Variants in ADAMTS12 observed in about 807,000 individuals in gnomAD.
The protein encoded by ADAMTS12 is ADAM metallopeptidase with thrombospondin type 1 motif 12, also known as A disintegrin and metalloproteinase with thrombospondin motifs 12.
ADAMTS12 carries 118 observed loss-of-function variants against 167.8 expected under a neutral mutation model. That is an observed-to-expected ratio of 0.70 (90% CI 0.61 to 0.82). The LOEUF is 0.82. Ranked by LOEUF, ADAMTS12 falls within the 40% of genes least tolerant of loss-of-function variation. ADAMTS12 has a pLI of 0.00. For missense variants in ADAMTS12, 1,916 were observed against 1,998.8 expected (o/e 0.96, Z 0.79); for synonymous variants, 704 against 716.9 (o/e 0.98, Z 0.29).
intron 3 of ADAMTS12, among the ~76,000 whole-genome samples, chr5:33,693,500 T>C (rs1742630521): frequency 6.6e-6 from 1 of 152,208 alleles, no homozygotes; most frequent in Non-Finnish European, 1.5e-5. Context: ...CATGCCAACT[T>C]ATTATAAAAA....
chr5:33,766,254 T>C (rs1203357955), intron 2 of ADAMTS12, among the ~76,000 whole-genome samples: 3 of 152,184 alleles, frequency 2.0e-5, no homozygotes, highest in Non-Finnish European at 4.4e-5. Flanking sequence ...TACTGATACA[T>C]GTGCCCTAGA....
At chr5:33,841,463 A>C in intron 2 of ADAMTS12, among the ~76,000 whole-genome samples, 1 of 152,094 alleles carries the variant, frequency 6.6e-6, no homozygotes. Context: ...GAAAAACTCA[A>C]ACTCACACTT....
chr5:33,713,818 T>C (rs547888275), intron 3 of ADAMTS12, among the ~76,000 whole-genome samples: 2 of 152,286 alleles, frequency 1.3e-5, no homozygotes, highest in African/African-American at 4.8e-5. Flanking sequence ...ACTGATTATA[T>C]GACAAGAATC....
At chr5:33,803,179 A>G (rs547274596) in intron 2 of ADAMTS12, among the ~76,000 whole-genome samples, 23 of 152,194 alleles carry the variant, frequency 1.5e-4, no homozygotes, top group African/African-American at 4.8e-4. Flanking sequence ...ATTTCTCCAA[A>G]CTCGCCCATA....
At chr5:33,588,327 A>G (rs1747460051) in intron 18 of ADAMTS12, among the ~76,000 whole-genome samples, 1 of 152,138 alleles carries the variant, frequency 6.6e-6, no homozygotes, top group African/African-American at 2.4e-5. Context: ...CTGATGATTT[A>G]TTAACTAGTC....
chr5:33,772,752 C>T (rs767262006), intron 2 of ADAMTS12, among the ~76,000 whole-genome samples: 3 of 152,122 alleles, frequency 2.0e-5, no homozygotes, highest in Non-Finnish European at 2.9e-5. Context: ...GATGAGTTTT[C>T]GTTGGATTTA....
At chr5:33,764,107 G>T (rs971223463) in intron 2 of ADAMTS12, among the ~76,000 whole-genome samples, 30 of 152,206 alleles carry the variant, frequency 2.0e-4, no homozygotes, top group Admixed American at 9.8e-4. Context: ...CAAGGGCTCT[G>T]TTTTCAGCTG....
intron 15 of ADAMTS12, 31 bp from the exon 16 acceptor site, chr5:33,614,407 T>A (rs373609573): frequency 3.7e-6 from 6 of 1,610,998 alleles, no homozygotes; most frequent in Non-Finnish European, 5.1e-6. Flanking sequence ...CATGTCAAAC[T>A]GTCATGACTT....
In ADAMTS12 at chr5:33,706,462, G is replaced by A. The variant is rs931165099; in HGVS notation, c.635-22407C>T. ...TTACCATAACATAATGCCCTTCTTCGTCTTTTTTGATCTTTGTTGGTTTAA... is the reference window on the plus strand; with the variant it reads ...TTACCATAACATAATGCCCTTCTTCATCTTTTTTGATCTTTGTTGGTTTAA... On this transcript the variant is annotated intron_variant, in intron 3 of 23. Transcript: ENST00000504830. 9.2e-5 allele frequency among the ~76,000 whole-genome samples: 14 copies of A among 151,982 alleles called. No homozygotes were observed. In the South Asian group the frequency reaches 1.2e-3, roughly 14 times the overall value.
chr5:33,649,180 C>T (rs1740786634), intron 8 of ADAMTS12, among the ~76,000 whole-genome samples: 1 of 152,160 alleles, frequency 6.6e-6, no homozygotes, highest in Admixed American at 6.5e-5. Flanking sequence ...CTAGAAAATA[C>T]AAGCCATGGT....
chr5:33,545,976 G>T, intron 22 of ADAMTS12, 83 bp downstream of exon 22: 1 of 1,496,602 alleles, frequency 6.7e-7, no homozygotes, highest in South Asian at 1.4e-5. Context: ...AAACCTGCAC[G>T]TTGTGCACAG....
chr5:33,767,007 C>G (rs951461985), intron 2 of ADAMTS12, among the ~76,000 whole-genome samples: 21 of 152,106 alleles, frequency 1.4e-4, no homozygotes, highest in African/African-American at 3.9e-4. Context: ...TCCACCACTG[C>G]ATTATTGATA....
At position 33,837,063 on chromosome 5, in the gene ADAMTS12, G is replaced by C. The variant is rs534085540; in HGVS notation, c.489+44056C>G. On this transcript the variant is annotated intron_variant, in intron 2 of 23. Transcript: ENST00000504830. ...CATGCCCAGCCCTGGCTTTTAACCAGAGAACAATGGGAAAACCCTGGGGGA... is the reference window on the plus strand; with the variant it reads ...CATGCCCAGCCCTGGCTTTTAACCACAGAACAATGGGAAAACCCTGGGGGA... Among the ~76,000 whole-genome samples the C allele has an allele frequency of 5.3e-5, 8 of 152,050 alleles. No individual in the cohort carries two copies. In the East Asian group the frequency reaches 1.5e-3, roughly 29 times the overall value.
chr5:33,615,879 G>C lies in ADAMTS12; in HGVS notation c.2337C>G (p.Asp779Glu). Residue 779 changes from aspartate (D) to glutamate (E), a missense_variant, in exon 15 of 24, where the codon GAC becomes GAG. By Grantham distance (45) the Asp-to-Glu change is conservative. Coordinates refer to ENST00000504830, the MANE Select transcript of ADAMTS12 (RefSeq NM_030955.4). Reference sequence around the variant, plus strand: ...GACCTGTGGCCATCAGCTTTTCCAGGTCTCCTTTCCTGTCATACTGAAAGA... The same window carrying C: ...GACCTGTGGCCATCAGCTTTTCCAGCTCTCCTTTCCTGTCATACTGAAAGA... ...GTVFQYDRKGDLEKLMATGPT... is the reference protein window; with the variant it reads ...GTVFQYDRKGELEKLMATGPT... The C allele has an allele frequency of 6.2e-7, 1 of 1,614,010 alleles. No individual in the cohort carries two copies. Among genetic ancestry groups the C allele is most frequent in the Non-Finnish European group, 8.5e-7 (1 of 1,179,988 alleles).
intron 18 of ADAMTS12, among the ~76,000 whole-genome samples, chr5:33,587,715 G>A (rs1406802389): frequency 6.6e-6 from 1 of 152,196 alleles, no homozygotes; most frequent in African/African-American, 2.4e-5. Flanking sequence ...GCCTCCTAAA[G>A]TGCTGGGATT....
In ADAMTS12 at chr5:33,540,340, A is replaced by C. The variant is rs551544109; in HGVS notation, c.4447-5348T>G. 8.5e-5 allele frequency among the ~76,000 whole-genome samples: 13 copies of C among 152,374 alleles called. No individual in the cohort carries two copies. In the East Asian group the frequency reaches 2.5e-3, roughly 29 times the overall value. ...TGGGCGGAGCCCACCACAGCTCAGC[A>C]CGGCCTACTGCCTCTGTAGACTCCA... On this transcript the variant is annotated intron_variant, in intron 22 of 23. Transcript: ENST00000504830.
chr5:33,595,941 G>A lies in ADAMTS12; in HGVS notation c.2647C>T (p.Pro883Ser), dbSNP rs762979395. ...GCTGTTAGCGATGGTTACCTGGGTG[G>A]ACAAGCCTTTTCATGGCACTTCTTC... is the stretch of plus-strand genomic sequence containing the variant. ...RQKKCHEKAC[P>S]PRWWAGEWEA... Residue 883 changes from proline to serine, a missense_variant, in exon 17 of 24, where the codon CCA (proline) becomes TCA (serine). Transcript: ENST00000504830. 21 of 1,613,962 alleles carry A rather than the reference G, an allele frequency of 1.3e-5. No individual in the cohort carries two copies. The highest frequency in any genetic ancestry group is 1.7e-5 in the Admixed American group (1 of 60,000).
At chr5:33,822,923 C>A (rs369396382) in intron 2 of ADAMTS12, among the ~76,000 whole-genome samples, 9 of 151,718 alleles carry the variant, frequency 5.9e-5, no homozygotes, top group African/African-American at 1.9e-4. Context: ...TCCAACTCTA[C>A]AAATAGAAGA....
At chr5:33,695,848 T>G (rs949035922) in intron 3 of ADAMTS12, among the ~76,000 whole-genome samples, 5 of 152,184 alleles carry the variant, frequency 3.3e-5, no homozygotes, top group African/African-American at 1.2e-4. Flanking sequence ...TAAAAATGGT[T>G]CAAAAGGTAA....
Sources: allele counts gnomAD v4.1 joint callset (sites outside exome capture counted in the v4.1 genomes callset), GRCh38; gene constraint gnomAD v4.1.1; transcripts MANE v1.5; gene names NCBI Gene and HGNC (gene_info 2026-07-23, HGNC 2026-07-21).